BIN1: variants seen among roughly 807,000 people sequenced by gnomAD.
BIN1 encodes bridging integrator 1.
Under a neutral mutation model 82.0 loss-of-function variants are expected in BIN1, and 53 were observed. The ratio of observed to expected loss-of-function variants is 0.65; its 90% CI spans 0.52 to 0.81. The LOEUF is 0.81. Ranked by LOEUF, BIN1 falls within the 40% of genes least tolerant of loss-of-function variation. BIN1 has a pLI of 0.00. For missense variants in BIN1, 642 were observed against 784.4 expected (o/e 0.82, Z 2.17); for synonymous variants, 302 against 328.0 (o/e 0.92, Z 0.86).
At chr2:127,069,731 AACACACACACACACACACAC>A (rs3832046) in intron 5 of BIN1, among the ~76,000 whole-genome samples, 7 of 147,586 alleles carry the variant, frequency 4.7e-5, no homozygotes, top group Non-Finnish European at 1.0e-4. Context: ...ACTCCGCAGC[AACACACACACACACACACAC>A]ACACACACAC....
chr2:127,102,450 C>T (rs897934447), intron 1 of BIN1, among the ~76,000 whole-genome samples: 9 of 152,228 alleles, frequency 5.9e-5, no homozygotes, highest in African/African-American at 2.2e-4. Flanking sequence ...GGGAATCTAC[C>T]ACCCAGGCAC....
At chr2:127,051,825 G>A (rs1682997497) in intron 15 of BIN1, among the ~76,000 whole-genome samples, 1 of 152,226 alleles carries the variant, frequency 6.6e-6, no homozygotes. Context: ...GAGCTGGGCT[G>A]ACCTGGGCCG....
chr2:127,070,408 G>A, intron 4 of BIN1, 145 bp downstream of exon 4: 2 of 972,800 alleles, frequency 2.1e-6, no homozygotes, highest in Non-Finnish European at 3.2e-6. Flanking sequence ...GGCCCTCAGA[G>A]AGGGAGGGCA....
chr2:127,088,503 A>AG (rs1288975948), intron 1 of BIN1, among the ~76,000 whole-genome samples: 2 of 152,114 alleles, frequency 1.3e-5, no homozygotes, highest in African/African-American at 4.8e-5. Flanking sequence ...TGGGAGGCTG[A>AG]GGGGGGCAAA....
At chr2:127,086,408 A>G (rs1426568461) in intron 1 of BIN1, among the ~76,000 whole-genome samples, 1 of 152,230 alleles carries the variant, frequency 6.6e-6, no homozygotes, top group African/African-American at 2.4e-5. Flanking sequence ...TGTGGATTAG[A>G]ACGCAAAGCT....
intron 2 of BIN1, among the ~76,000 whole-genome samples, chr2:127,074,263 C>T (rs1340182523): frequency 5.3e-5 from 8 of 152,144 alleles, no homozygotes; most frequent in Admixed American, 1.3e-4. Flanking sequence ...TGACCTTCAC[C>T]CCATTCCTTC....
At chr2:127,091,753 C>T (rs1463644339) in intron 1 of BIN1, among the ~76,000 whole-genome samples, 1 of 151,900 alleles carries the variant, frequency 6.6e-6, no homozygotes, top group Non-Finnish European at 1.5e-5. Flanking sequence ...TTTAATTAGC[C>T]AGGTGTGGTG....
At position 127,053,182 on chromosome 2, in the gene BIN1, T is replaced by C. The variant is rs563335748; in HGVS notation, c.1263+240A>G. 31 of 606,784 alleles carry C rather than the reference T, an allele frequency of 5.1e-5. No individual in the cohort carries two copies. In the South Asian group the frequency reaches 5.3e-4, roughly 10 times the overall value. 37.6% of individuals were successfully genotyped at this position (606,784 alleles called of 1,614,324 possible). ...ACAGGACCAGATCTCAGGGGACCCCTGTCTCAAGCTAAACCGAAGATCCCC... is the reference window on the plus strand; with the variant it reads ...ACAGGACCAGATCTCAGGGGACCCCCGTCTCAAGCTAAACCGAAGATCCCC... On this transcript the variant is annotated intron_variant, in intron 14 of 18. Coordinates refer to ENST00000316724, the MANE Select transcript of BIN1 (RefSeq NM_139343.3).
At position 127,051,225 on chromosome 2, in the gene BIN1, C is replaced by A. The variant is rs1368701185; in HGVS notation, c.1390G>T (p.Val464Leu). Residue 464 changes from valine to leucine, a missense_variant, in exon 16 of 19, where the codon GTG (valine) becomes TTG (leucine). Transcript: ENST00000316724. ...GCCGCAGGTTGGGTCCCACCCGCCA[C>A]CTCCGAGGCCTCTGCTGGCTGCAAC... ...GPAQPAEASE[V>L]AGGTQPAAGA... 2 of 1,613,684 alleles carry A rather than the reference C, an allele frequency of 1.2e-6. No individual in the cohort carries two copies. The highest frequency in any genetic ancestry group is 1.7e-6 in the Non-Finnish European group (2 of 1,179,970).
intron 18 of BIN1, among the ~76,000 whole-genome samples, chr2:127,049,751 G>A (rs1182057221): frequency 1.3e-5 from 2 of 152,226 alleles, no homozygotes; most frequent in African/African-American, 2.4e-5. Flanking sequence ...CCCCTGGGAG[G>A]GGCAACTGAC....
intron 2 of BIN1, among the ~76,000 whole-genome samples, chr2:127,074,397 A>T (rs1686327250): frequency 1.3e-5 from 2 of 152,172 alleles, no homozygotes; most frequent in Admixed American, 6.5e-5. Context: ...CTGAAAAGCC[A>T]GCCACCCCAC....
chr2:127,056,850 C>T (rs2104928818), intron 12 of BIN1, among the ~76,000 whole-genome samples: 1 of 152,344 alleles, frequency 6.6e-6, no homozygotes, highest in East Asian at 1.9e-4. Context: ...GGGCCAGGCT[C>T]CCCAGAGGCA....
Position 127,068,872 on chromosome 2 carries a change from G to T in BIN1, c.519+52C>A. 1.3e-6 allele frequency: 2 copies of T among 1,538,252 alleles called. No homozygotes were observed. The highest frequency in any genetic ancestry group is 9.0e-7 in the Non-Finnish European group (1 of 1,112,492). On this transcript the variant is annotated intron_variant, in intron 6 of 18. Coordinates refer to ENST00000316724, the MANE Select transcript of BIN1 (RefSeq NM_139343.3). The surrounding 1 kb of genome is among the most constrained non-coding windows in gnomAD (Gnocchi z 4.9). ...TCCACCCTCGGGGTCCTAGACACCC[G>T]CCCTCTCTCAGCCCCCTGCAGACGC...
chr2:127,058,363 AGCAGGGCG>A (rs1224127608), intron 11 of BIN1, among the ~76,000 whole-genome samples: 1 of 152,158 alleles, frequency 6.6e-6, no homozygotes, highest in Non-Finnish European at 1.5e-5. Flanking sequence ...TCAGCAGCAG[AGCAGGGCG>A]GCAGCAGAAA....
chr2:127,078,355 G>A (rs938312674), intron 1 of BIN1, among the ~76,000 whole-genome samples: 43 of 152,352 alleles, frequency 2.8e-4, no homozygotes, highest in African/African-American at 1.0e-3. Flanking sequence ...TGGGACCCTG[G>A]GGGTAGAGAT....
chr2:127,055,388 T>C (rs988156217), intron 12 of BIN1: 2 of 152,318 alleles, frequency 1.3e-5, no homozygotes, highest in Non-Finnish European at 2.9e-5. Flanking sequence ...CCAAGTGGAC[T>C]CACTTCCTAG....
intron 1 of BIN1, 120 bp downstream of exon 1, chr2:127,106,740 A>G: frequency 1.6e-6 from 2 of 1,282,160 alleles, no homozygotes; most frequent in Non-Finnish European, 2.1e-6. Flanking sequence ...GCTCCTCTAG[A>G]GGTGACAGCA....
chr2:127,099,432 T>A (rs951490582), intron 1 of BIN1, among the ~76,000 whole-genome samples: 5 of 152,056 alleles, frequency 3.3e-5, no homozygotes, highest in Non-Finnish European at 7.3e-5. Context: ...AAAAAACAAC[T>A]AGTATGACCA....
At chr2:127,099,956 C>T (rs546447120) in intron 1 of BIN1, among the ~76,000 whole-genome samples, 118 of 152,044 alleles carry the variant, frequency 7.8e-4, no homozygotes, top group Non-Finnish European at 8.5e-4. Flanking sequence ...AGCGCCGCCA[C>T]CACGCCAGGC....
Sources: allele counts gnomAD v4.1 joint callset (sites outside exome capture counted in the v4.1 genomes callset), GRCh38; gene constraint gnomAD v4.1.1; non-coding constraint Gnocchi (gnomAD v3.1); transcripts MANE v1.5; gene names NCBI Gene and HGNC (gene_info 2026-07-23, HGNC 2026-07-21).